Variants in MICAL1 observed in about 807,000 individuals in gnomAD.
MICAL1 encodes the protein microtubule associated monooxygenase, calponin and LIM domain containing 1.
A neutral mutation model predicts 131.8 loss-of-function variants in MICAL1; 95 were observed. That is an observed-to-expected ratio of 0.72 (90% CI 0.61 to 0.86). MICAL1 has a LOEUF of 0.86. Among genes scored for constraint, MICAL1 ranks in the 40% least tolerant of loss-of-function variants. The pLI is 0.00. For missense variants in MICAL1, 1,292 were observed against 1,380.6 expected (o/e 0.94, Z 1.02); for synonymous variants, 546 against 554.2 (o/e 0.99, Z 0.21).
chr6:109,447,026 C>G, intron 17 of MICAL1, 47 bp downstream of exon 17: 2 of 1,597,230 alleles, frequency 1.3e-6, no homozygotes, highest in Admixed American at 1.7e-5. Context: ...GTCCCCCAAG[C>G]AGGGCCAGGC....
chr6:109,449,803 G>C lies in MICAL1; in HGVS notation c.1308-20C>G. The C allele has an allele frequency of 6.2e-7, 1 of 1,600,092 alleles. No homozygotes were observed. The highest frequency in any genetic ancestry group is 8.5e-7 in the Non-Finnish European group (1 of 1,173,670). ...CTCTCACTGAGGGGGTGAGGGTAAGGGGCAGGGGCATGAATGGGAGGGCAC... is the reference window on the plus strand; with the variant it reads ...CTCTCACTGAGGGGGTGAGGGTAAGCGGCAGGGGCATGAATGGGAGGGCAC... On this transcript the variant is annotated intron_variant, in intron 9 of 24. Coordinates refer to ENST00000358807, the MANE Select transcript of MICAL1 (RefSeq NM_022765.4).
chr6:109,461,617 C>G (rs1205847089), intron 1 of MICAL1, among the ~76,000 whole-genome samples: 2 of 151,868 alleles, frequency 1.3e-5, no homozygotes, highest in African/African-American at 4.8e-5. Context: ...CAGACATAGA[C>G]CCTCAATTTT....
Position 109,453,928 on chromosome 6 carries a change from C to G in MICAL1, c.258+11G>C, listed in dbSNP as rs376947236. The G allele has an allele frequency of 1.2e-6, 2 of 1,611,586 alleles. No individual in the cohort carries two copies. The highest frequency in any genetic ancestry group is 1.7e-6 in the Non-Finnish European group (2 of 1,178,344). On this transcript the variant is annotated intron_variant, in intron 2 of 24. Coordinates refer to ENST00000358807, the MANE Select transcript of MICAL1 (RefSeq NM_022765.4). ...ATGCTCCACACCCCATCCCAGGCAC[C>G]GTGTATCCACCTTGGTGCTGGTGCA...
chr6:109,447,875 C>CT lies in MICAL1; in HGVS notation c.1943dup (p.Glu649GlyfsTer23). On this transcript the variant is annotated frameshift_variant and splice_region_variant, in exon 14 of 25. Transcript: ENST00000358807. LOFTEE classifies it high-confidence loss of function. ...CTCCAGCCCTGCCTAAACTCTCCAC[C>CT]TTGGCCCGGGATCGCTGCAGGGTCC... is the stretch of plus-strand genomic sequence containing the variant. The CT allele has an allele frequency of 6.2e-7, 1 of 1,613,258 alleles. No individual in the cohort carries two copies. The highest frequency in any genetic ancestry group is 8.5e-7 in the Non-Finnish European group (1 of 1,179,532).
Position 109,453,301 on chromosome 6 carries a change from C to G in MICAL1, c.533G>C (p.Gly178Ala). ...GGGCTGGAGGCCAGTGAAAGTGACA[C>G]CCCAGTGAATTTCCACCCCCAGCAG... Reference protein sequence around the residue: ...ALLLGVEIHWGVTFTGLQPPP... With the variant: ...ALLLGVEIHWAVTFTGLQPPP... Residue 178 changes from glycine (G) to alanine (A), a missense_variant, in exon 4 of 25, where the codon GGT (glycine) becomes GCT (alanine). Physicochemically the swap from Gly to Ala is moderately conservative, Grantham distance 60. Coordinates refer to ENST00000358807, the MANE Select transcript of MICAL1 (RefSeq NM_022765.4). 3 of 1,614,070 alleles carry G rather than the reference C, an allele frequency of 1.9e-6. No individual in the cohort carries two copies. Among genetic ancestry groups the G allele is most frequent in the Non-Finnish European group, 1.7e-6 (2 of 1,180,002 alleles).
intron 1 of MICAL1, chr6:109,464,807 A>C (rs1040492245): frequency 3.3e-5 from 5 of 152,180 alleles, no homozygotes; most frequent in African/African-American, 9.7e-5. Flanking sequence ...CCCTGTCTCT[A>C]AAAAAGGAAA....
In MICAL1 at chr6:109,453,654, G is replaced by A. The variant is rs1008111866; in HGVS notation, c.450C>T (p.Gly150=). Residue 150 remains glycine (G), a synonymous_variant, in exon 3 of 25, where the codon GGC becomes GGT. Transcript: ENST00000358807. ...GGTGCTCACTGATGTGGTCCAGGGT[G>A]CCGGTGCAGAAGCGCCCGTAGAACT... ...AKKFYGRFCT[G]TLDHISIRQL... is the part of the protein sequence containing the mutation. 1 of 1,606,648 alleles carries A rather than the reference G, an allele frequency of 6.2e-7. No homozygotes were observed. The highest frequency in any genetic ancestry group is 8.5e-7 in the Non-Finnish European group (1 of 1,176,682).
rs777546976 is a variant in MICAL1 at position 109,450,417 on chromosome 6, C to T, written c.1074G>A (p.Gln358=). ...KLEFAQDAHG[Q]PDVSAFDFTS... ...TGAAGTCAAAGGCAGAGACATCAGG[C>T]TGCCCATGGGCATCCTGGGCAAACT... Residue 358 remains glutamine, a synonymous_variant, in exon 8 of 25, where the codon CAG becomes CAA. Transcript: ENST00000358807. 1.2e-6 allele frequency: 2 copies of T among 1,613,570 alleles called. No homozygotes were observed. The highest frequency in any genetic ancestry group is 1.7e-6 in the Non-Finnish European group (2 of 1,179,976).
rs773848181 is a variant in MICAL1 at position 109,448,898 on chromosome 6, C to T, written c.1517-19G>A. The T allele has an allele frequency of 5.0e-6, 8 of 1,612,070 alleles. No homozygotes were observed. In the Admixed American group the frequency reaches 1.2e-4, roughly 24 times the overall value. ...GCCGACCCTGGGAAAGAAGGCTGTG[C>T]TGTGCCCAAGGCCCCCTCTGCCCAT... is the stretch of plus-strand genomic sequence containing the variant. On this transcript the variant is annotated intron_variant, in intron 11 of 24. Coordinates refer to ENST00000358807, the MANE Select transcript of MICAL1 (RefSeq NM_022765.4).
At chr6:109,457,453 T>A (rs567530942), upstream of MICAL1, among the ~76,000 whole-genome samples, 5 of 152,130 alleles carry the variant, frequency 3.3e-5, no homozygotes, top group Non-Finnish European at 7.3e-5. Flanking sequence ...CGAAGCTATG[T>A]CTTGTTTAGA....
chr6:109,456,428 AG>A (rs1254845939), upstream of MICAL1, among the ~76,000 whole-genome samples: 1 of 152,206 alleles, frequency 6.6e-6, no homozygotes, highest in African/African-American at 2.4e-5. Flanking sequence ...GCCCGGGCCG[AG>A]GGCAAAGGGC....
upstream of MICAL1, among the ~76,000 whole-genome samples, chr6:109,457,346 G>A (rs145752193): frequency 6.6e-6 from 1 of 152,074 alleles, no homozygotes; most frequent in East Asian, 1.9e-4. Flanking sequence ...TTAAATACAT[G>A]GTGTAAAAAC....
Position 109,455,575 on chromosome 6 carries a change from G to A in MICAL1, c.-44+144C>T. On this transcript the variant is annotated intron_variant, in intron 1 of 24. Transcript: ENST00000358807. This position sits in a 1 kb window ranked among gnomAD's most constrained non-coding sequence, Gnocchi z 4.7. The stretch of plus-strand genomic sequence containing the variant: ...CTGGACGGCAAAGTCCGGACGCGGC[G>A]TGAGCAGGGCTGGGCTGAGGGAAGA... The A allele has an allele frequency of 4.0e-6, 2 of 496,406 alleles. No individual in the cohort carries two copies. Among genetic ancestry groups the A allele is most frequent in the Non-Finnish European group, 5.2e-6 (2 of 382,190 alleles). 30.8% of individuals were successfully genotyped at this position (496,406 alleles called of 1,614,324 possible). A position where few individuals can be genotyped will look rare whatever the true frequency, so the allele number is the denominator to read the frequency against.
Position 109,444,270 on chromosome 6 carries a change from T to C in MICAL1, c.3125A>G (p.Asn1042Ser), listed in dbSNP as rs1775104445. 6.2e-7 allele frequency: 1 copy of C among 1,613,484 alleles called. No homozygotes were observed. The highest frequency in any genetic ancestry group is 8.5e-7 in the Non-Finnish European group (1 of 1,180,030). ...GAAGCGGATGAGGGCATCTCTCTGG[T>C]TGACCAAATCCACCAGCTTCCTCAG... is the stretch of plus-strand genomic sequence containing the variant. ...QVLRKLVDLV[N>S]QRDALIRFQE... The change falls in exon 25 of 25, where the codon AAC becomes AGC. Residue 1042 changes from asparagine (N) to serine (S), a missense_variant. Asn to Ser is a conservative substitution (Grantham distance 46). Transcript: ENST00000358807.
At chr6:109,460,015 A>G (rs1775845744), upstream of MICAL1, among the ~76,000 whole-genome samples, 1 of 152,234 alleles carries the variant, frequency 6.6e-6, no homozygotes. Flanking sequence ...ATGAATTCAG[A>G]ATAAAAGTTC....
In MICAL1 at chr6:109,445,293, G is replaced by A. The variant is rs1403543882; in HGVS notation, c.2788-3C>T. The A allele has an allele frequency of 6.2e-7, 1 of 1,614,106 alleles. No individual in the cohort carries two copies. The highest frequency in any genetic ancestry group is 1.7e-5 in the Admixed American group (1 of 60,020). On this transcript the variant is annotated splice_polypyrimidine_tract_variant and splice_region_variant and intron_variant, in intron 21 of 24. Transcript: ENST00000358807. Reference sequence around the variant, plus strand: ...TCATTTAGTCGCCGTTGGATGGTCTGAGGGGTACAAGACAGAATATCCAGG... The same window carrying A: ...TCATTTAGTCGCCGTTGGATGGTCTAAGGGGTACAAGACAGAATATCCAGG...
rs560383669 is a variant in MICAL1 at position 109,451,611 on chromosome 6, C to G, written c.922G>C (p.Val308Leu). 12 of 1,613,664 alleles carry G rather than the reference C, an allele frequency of 7.4e-6. No individual in the cohort carries two copies. The East Asian group carries it at 2.2e-4, about 30-fold the overall frequency. ...GGACTGGGCCTCACCTGGCGCAGCA[C>G]CCCCAGCCGCAGCAGGCACTGCTTC... is the stretch of plus-strand genomic sequence containing the variant. ...AKKQCLLRLGVLRQDWPDTNR... is the reference protein window; with the variant it reads ...AKKQCLLRLGLLRQDWPDTNR... The change falls in exon 7 of 25, where the codon GTG becomes CTG. Residue 308 changes from valine (V) to leucine (L), a missense_variant. Physicochemically the swap from Val to Leu is conservative, Grantham distance 32. Transcript: ENST00000358807.
chr6:109,457,638 C>A (rs972963432), upstream of MICAL1, among the ~76,000 whole-genome samples: 1 of 152,172 alleles, frequency 6.6e-6, no homozygotes, highest in African/African-American at 2.4e-5. Context: ...ACACAACTAG[C>A]CGCTCCACTT....
chr6:109,448,848 G>A lies in MICAL1; in HGVS notation c.1548C>T (p.Arg516=), dbSNP rs2115331082. 1.2e-6 allele frequency: 2 copies of A among 1,613,922 alleles called. No individual in the cohort carries two copies. Among genetic ancestry groups the A allele is most frequent in the East Asian group, 2.2e-5 (1 of 44,874 alleles). The stretch of plus-strand genomic sequence containing the variant: ...ACCCAGCTGTCTGCTCCTGGCACCA[G>A]CGTAGCAGCTCCTCCTGGGTGCCTG... ...GSAGTQEELL[R]WCQEQTAGYP... Residue 516 remains arginine, a synonymous_variant, in exon 12 of 25, where the codon CGC becomes CGT. Transcript: ENST00000358807.
Sources: allele counts gnomAD v4.1 joint callset (sites outside exome capture counted in the v4.1 genomes callset), GRCh38; gene constraint gnomAD v4.1.1; non-coding constraint Gnocchi (gnomAD v3.1); transcripts MANE v1.5; gene names NCBI Gene and HGNC (gene_info 2026-07-23, HGNC 2026-07-21).